The following GPHN variants were observed in gnomAD, a reference collection of about 807,000 sequenced individuals.
GPHN encodes gephyrin.
Under a neutral mutation model 95.5 loss-of-function variants are expected in GPHN, and 17 were observed. That is an observed-to-expected ratio of 0.18 (90% confidence interval 0.12 to 0.27). GPHN has a LOEUF of 0.27. GPHN is among the 10% of genes least tolerant of loss of function. The pLI is 1.00. For missense variants in GPHN, 660 were observed against 978.1 expected (o/e 0.67, Z 4.34); for synonymous variants, 320 against 322.5 (o/e 0.99, Z 0.08).
the GPHN span, chr14:67,579,991 C>T: frequency 1.0e-6 from 1 of 986,696 alleles, no homozygotes; most frequent in South Asian, 1.6e-5. Flanking sequence ...GGTGCTGAGC[C>T]CAAGGTGCTG....
intron 8 of GPHN, among the ~76,000 whole-genome samples, chr14:66,949,432 A>T (rs1055616016): frequency 6.6e-6 from 1 of 152,196 alleles, no homozygotes; most frequent in Admixed American, 6.5e-5. Context: ...CAGGTGCTGT[A>T]TCACACACCT....
chr14:67,057,116 A>G (rs975729376), intron 10 of GPHN, among the ~76,000 whole-genome samples: 1 of 152,132 alleles, frequency 6.6e-6, no homozygotes, highest in Non-Finnish European at 1.5e-5. Flanking sequence ...GCCAGCCCAG[A>G]GAGGGGTTCC....
At chr14:67,516,304 C>T in the GPHN span, among the ~76,000 whole-genome samples, 2 of 152,094 alleles carry the variant, frequency 1.3e-5, no homozygotes, top group African/African-American at 4.8e-5. Flanking sequence ...CTAACCCATC[C>T]GGAGAGGGTA....
At chr14:67,254,031 C>G in the GPHN span, among the ~76,000 whole-genome samples, 4 of 141,672 alleles carry the variant, frequency 2.8e-5, no homozygotes, top group Non-Finnish European at 6.0e-5. Flanking sequence ...TTCATCCCCC[C>G]CCCCTTACAA....
intron 1 of GPHN, among the ~76,000 whole-genome samples, chr14:66,610,348 G>T (rs889149207): frequency 6.6e-6 from 1 of 152,102 alleles, no homozygotes; most frequent in African/African-American, 2.4e-5. Flanking sequence ...CCATTCAGTG[G>T]CAGGAACTAG....
At chr14:67,083,281 G>A (rs547362498) in intron 11 of GPHN, among the ~76,000 whole-genome samples, 1 of 152,012 alleles carries the variant, frequency 6.6e-6, no homozygotes, top group Non-Finnish European at 1.5e-5. Context: ...TGCTGTGCTG[G>A]AAGTGGGGCC....
the GPHN span, among the ~76,000 whole-genome samples, chr14:67,231,705 C>T: frequency 1.3e-5 from 2 of 152,126 alleles, no homozygotes; most frequent in Non-Finnish European, 2.9e-5. Flanking sequence ...CAGTGGCTCA[C>T]GCCTGTAATC....
chr14:67,232,534 T>C, the GPHN span, among the ~76,000 whole-genome samples: 1 of 152,194 alleles, frequency 6.6e-6, no homozygotes, highest in African/African-American at 2.4e-5. Flanking sequence ...TACATTTGCA[T>C]GTAATTTTGT....
At chr14:67,686,161 G>A in the GPHN span, 1 of 152,166 alleles carries the variant, frequency 6.6e-6, no homozygotes, top group South Asian at 2.1e-4. Flanking sequence ...TTATGGGCAT[G>A]GATTTTGTAG....
chr14:67,578,392 C>G, the GPHN span: 3 of 763,410 alleles, frequency 3.9e-6, no homozygotes, highest in Non-Finnish European at 6.6e-6. This position sits in a 1 kb window ranked among gnomAD's most constrained non-coding sequence, Gnocchi z 5.0. Flanking sequence ...ACAGCCTGAC[C>G]AAGTTGGCCA....
the GPHN span, among the ~76,000 whole-genome samples, chr14:67,332,273 C>G: frequency 6.6e-6 from 1 of 152,150 alleles, no homozygotes; most frequent in African/African-American, 2.4e-5. Flanking sequence ...AAGTAGGCTA[C>G]TCTATATAGT....
At chr14:67,621,002 T>G in the GPHN span, 1 of 1,587,262 alleles carries the variant, frequency 6.3e-7, no homozygotes, top group Non-Finnish European at 8.7e-7. Context: ...AGTGCAGGAC[T>G]AGTAATAGAC....
the GPHN span, among the ~76,000 whole-genome samples, chr14:67,497,254 C>T: frequency 2.2e-3 from 338 of 152,208 alleles, 3 homozygotes; most frequent in African/African-American, 7.4e-3. Flanking sequence ...GCATCCGTCC[C>T]GAGGTTAGGC....
chr14:67,674,317 C>G, the GPHN span: 7 of 1,446,926 alleles, frequency 4.8e-6, no homozygotes, highest in South Asian at 9.0e-5. Context: ...GTGGGAGAAT[C>G]TTCCTTCCAA....
intron 1 of GPHN, among the ~76,000 whole-genome samples, chr14:66,588,526 G>A (rs1240237402): frequency 6.6e-6 from 1 of 152,000 alleles, no homozygotes. Flanking sequence ...AGAGTAACCA[G>A]TTTAGAGAAG....
chr14:67,579,321 T>C, the GPHN span: 228 of 1,496,536 alleles, frequency 1.5e-4, no homozygotes, highest in Non-Finnish European at 1.9e-4. Context: ...TGTGAGGAGC[T>C]GGGCGTGCTC....
At chr14:67,334,521 T>C in the GPHN span, 1 of 152,280 alleles carries the variant, frequency 6.6e-6, no homozygotes. Flanking sequence ...ATGTACATAT[T>C]TGATTGATTT....
chr14:66,823,281 C>T (rs900921818), intron 3 of GPHN: 16 of 152,248 alleles, frequency 1.1e-4, no homozygotes, highest in African/African-American at 3.9e-4. Flanking sequence ...GGATTACAAG[C>T]ATGAGCCACT....
chr14:66,538,536 G>A (rs1479923239), intron 1 of GPHN, among the ~76,000 whole-genome samples: 1 of 151,068 alleles, frequency 6.6e-6, no homozygotes, highest in Non-Finnish European at 1.5e-5. Context: ...TTCTGTGCCA[G>A]GTTGAATAAC....
Sources: allele counts gnomAD v4.1 joint callset (sites outside exome capture counted in the v4.1 genomes callset), GRCh38; gene constraint gnomAD v4.1.1; non-coding constraint Gnocchi (gnomAD v3.1); transcripts MANE v1.5; gene names NCBI Gene and HGNC (gene_info 2026-07-23, HGNC 2026-07-21).